The following NAV2 variants were observed in gnomAD, a reference collection of about 807,000 sequenced individuals.
NAV2 encodes neuron navigator 2.
In NAV2, 54 loss-of-function variants were observed where a neutral mutation model predicts 223.2. That is an observed-to-expected ratio of 0.24 (90% CI 0.19 to 0.30). The LOEUF (loss-of-function observed/expected upper bound fraction) is 0.30. Ranked by LOEUF, NAV2 falls within the 10% of genes least tolerant of loss-of-function variation. NAV2 has a pLI of 1.00. For synonymous variants in NAV2, 1,279 were observed against 1,239.3 expected, an observed-to-expected ratio of 1.03 and a Z score of -0.67; for missense variants, 2,806 against 3,147.5, an observed-to-expected ratio of 0.89 and a Z score of 2.60.
At chr11:19,434,558 A>C (rs1811924154) in intron 1 of NAV2, among the ~76,000 whole-genome samples, 1 of 152,226 alleles carries the variant, frequency 6.6e-6, no homozygotes, top group Non-Finnish European at 1.5e-5. Context: ...ACTGGACATG[A>C]AGCTACCAAG....
intron 20 of NAV2, among the ~76,000 whole-genome samples, chr11:20,067,395 C>A (rs1043250168): frequency 7.9e-5 from 12 of 152,128 alleles, no homozygotes; most frequent in Non-Finnish European, 1.3e-4. Context: ...AAATACTAAA[C>A]CCTCAATTAA....
intron 1 of NAV2, among the ~76,000 whole-genome samples, chr11:19,703,201 T>G (rs983726802): frequency 2.6e-5 from 4 of 152,186 alleles, no homozygotes; most frequent in African/African-American, 9.7e-5. Flanking sequence ...TATTGAGGTT[T>G]TTTTAGGCCA....
At chr11:19,975,840 C>T (rs1399116905) in intron 10 of NAV2, among the ~76,000 whole-genome samples, 2 of 152,138 alleles carry the variant, frequency 1.3e-5, no homozygotes, top group South Asian at 2.1e-4. Context: ...GGTGGGGCCT[C>T]GAGGTCTGTG....
rs184472643 is a variant in NAV2 at position 19,699,563 on chromosome 11, C to T, written c.76-132921C>T. Among the ~76,000 whole-genome samples, 338 of 152,282 alleles carry T rather than the reference C, an allele frequency of 2.2e-3. 1 individual carries two copies. The highest frequency in any genetic ancestry group is 4.0e-3 in the Admixed American group (61 of 15,298). On this transcript the variant is annotated intron_variant, in intron 1 of 37. Transcript: ENST00000360655. The stretch of plus-strand genomic sequence containing the variant: ...CTCACTTGGAGATGATTGCCTTGGG[C>T]ACCTCGTATATTTGGGGCAAAGGCA...
At chr11:19,396,035 C>T (rs1393098482) in intron 1 of NAV2, among the ~76,000 whole-genome samples, 1 of 152,132 alleles carries the variant, frequency 6.6e-6, no homozygotes, top group African/African-American at 2.4e-5. Context: ...TAATGCCTAC[C>T]TCCTGGGATT....
chr11:19,544,476 C>T (rs774511004), intron 1 of NAV2, among the ~76,000 whole-genome samples: 12 of 152,206 alleles, frequency 7.9e-5, no homozygotes, highest in Non-Finnish European at 1.5e-4. Context: ...GCCTGAGCTT[C>T]TGCCTCCTGG....
chr11:19,679,380 G>A (rs957491906), intron 1 of NAV2, among the ~76,000 whole-genome samples: 4 of 131,796 alleles, frequency 3.0e-5, no homozygotes, highest in Admixed American at 1.1e-4. Flanking sequence ...GCAGTGAACC[G>A]AGATTGTGCC....
At chr11:19,937,940 A>G (rs982452946) in intron 7 of NAV2, among the ~76,000 whole-genome samples, 1 of 152,222 alleles carries the variant, frequency 6.6e-6, no homozygotes, top group Non-Finnish European at 1.5e-5. Flanking sequence ...GCAAGGAGTC[A>G]AGGAAAGCTC....
At chr11:19,714,073 G>C in intron 1 of NAV2, 111 bp downstream of exon 1, 1 of 1,428,584 alleles carries the variant, frequency 7.0e-7, no homozygotes, top group Admixed American at 2.1e-5. Context: ...ATGTGGCCAG[G>C]GAAGGGAACC....
intron 1 of NAV2, among the ~76,000 whole-genome samples, chr11:19,637,970 A>G (rs997980267): frequency 2.0e-5 from 3 of 152,254 alleles, no homozygotes; most frequent in African/African-American, 7.2e-5. Context: ...TTTCTGATCA[A>G]TTATTGAGTA....
chr11:19,399,996 C>G (rs1200386295), intron 1 of NAV2, among the ~76,000 whole-genome samples: 1 of 152,116 alleles, frequency 6.6e-6, no homozygotes, highest in Non-Finnish European at 1.5e-5. Flanking sequence ...CAGTTAAAGG[C>G]AGGTGGGAGG....
chr11:20,118,178 C>T lies in NAV2; in HGVS notation c.7210C>T (p.Pro2404Ser). 4 of 1,614,080 alleles carry T rather than the reference C, an allele frequency of 2.5e-6. No individual in the cohort carries two copies. In the South Asian group the frequency reaches 4.4e-5, roughly 18 times the overall value. Residue 2404 changes from proline (P) to serine (S), a missense_variant, in exon 38 of 38, where the codon CCC (proline) becomes TCC (serine). Pro to Ser is a moderately conservative substitution (Grantham distance 74). Transcript: ENST00000349880. ...RLQEAANYSS[P>S]QSYDSDSNSN... The stretch of plus-strand genomic sequence containing the variant: ...GCAGGAGGCAGCCAACTACTCCAGC[C>T]CCCAGAGCTATGACAGCGACTCCAA...
At position 20,119,805 on chromosome 11, in the gene NAV2, G is replaced by A. The variant is rs547616019; in HGVS notation, c.*1547G>A. On this transcript the variant is annotated 3_prime_UTR_variant, in exon 38 of 38. Coordinates refer to ENST00000349880, the MANE Select transcript of NAV2 (RefSeq NM_145117.5). ...CCAAAAGACTCATTTGTGTGGATGC[G>A]TGACCATGGGAAAAAGAAAAAAAAA... 4 of 152,196 alleles carry A rather than the reference G, an allele frequency of 2.6e-5. No homozygotes were observed. In the East Asian group the frequency reaches 5.8e-4, roughly 22 times the overall value. The allele number at this position is 152,196 out of a possible 1,614,324, so 9.4% of individuals were successfully genotyped here. A position where few individuals can be genotyped will look rare whatever the true frequency, so the allele number is the denominator to read the frequency against.
chr11:20,056,549 T>C (rs2058375384), intron 19 of NAV2: 3 of 1,613,416 alleles, frequency 1.9e-6, no homozygotes, highest in Non-Finnish European at 8.5e-7. Context: ...AGAAAAGTTC[T>C]GTGGACAACT....
intron 1 of NAV2, among the ~76,000 whole-genome samples, chr11:19,802,040 A>G (rs1411790063): frequency 6.6e-6 from 1 of 152,158 alleles, no homozygotes; most frequent in African/African-American, 2.4e-5. Flanking sequence ...AAGAGTATTT[A>G]TAGGAATTTG....
chr11:20,090,747 C>A, intron 26 of NAV2, 118 bp from the exon 27 acceptor site: 1 of 1,013,364 alleles, frequency 9.9e-7, no homozygotes, highest in Non-Finnish European at 1.4e-6. Flanking sequence ...CCACAGGAAG[C>A]ACCAGGCAGC....
intron 26 of NAV2, among the ~76,000 whole-genome samples, chr11:20,087,219 G>A (rs528281861): frequency 5.2e-4 from 79 of 152,254 alleles, no homozygotes; most frequent in African/African-American, 1.7e-3. Context: ...AGAGAGAGGC[G>A]GTGATGCACT....
chr11:19,693,387 G>A (rs533038700), intron 1 of NAV2, among the ~76,000 whole-genome samples: 1 of 152,330 alleles, frequency 6.6e-6, no homozygotes, highest in Middle Eastern at 3.4e-3. Flanking sequence ...CCAACCAGGA[G>A]TGCCATGCTG....
chr11:19,688,023 C>A (rs771124824), intron 1 of NAV2, among the ~76,000 whole-genome samples: 36 of 152,102 alleles, frequency 2.4e-4, no homozygotes, highest in Non-Finnish European at 4.1e-4. Context: ...ATCATGCCTG[C>A]TAGGGGATCT....
Sources: gnomAD v4.1 joint callset for allele counts (sites outside exome capture counted in the v4.1 genomes callset) on GRCh38, gnomAD v4.1.1 for gene constraint, MANE v1.5 for transcripts, NCBI Gene and HGNC (gene_info 2026-07-23, HGNC 2026-07-21) for gene names.